The following NOS1AP variants were observed in gnomAD, a reference collection of about 807,000 sequenced individuals.
The protein encoded by NOS1AP is carboxyl-terminal PDZ ligand of neuronal nitric oxide synthase protein.
In NOS1AP, 21 loss-of-function variants were observed where a neutral mutation model predicts 56.2. The observed-to-expected ratio is 0.37, with a 90% confidence interval of 0.26 to 0.54. The LOEUF is 0.54. Among genes scored for constraint, NOS1AP ranks in the 20% least tolerant of loss-of-function variants. The pLI is 0.84. For missense variants in NOS1AP, 522 were observed against 657.8 expected (o/e 0.79, Z 2.26); for synonymous variants, 270 against 274.6 (o/e 0.98, Z 0.17).
intron 2 of NOS1AP, among the ~76,000 whole-genome samples, chr1:162,260,569 C>G (rs907348753): frequency 1.3e-5 from 2 of 152,146 alleles, no homozygotes; most frequent in Non-Finnish European, 2.9e-5. Context: ...CTAACACATA[C>G]AAGTTGTAAC....
chr1:162,085,794 G>A (rs12022557), intron 1 of NOS1AP, among the ~76,000 whole-genome samples: 36,841 of 152,126 alleles, frequency 0.24, 5,215 homozygotes, highest in South Asian at 0.57. Flanking sequence ...ATACTGACAC[G>A]TGGAAAGATA....
chr1:162,074,910 G>C (rs879368274), intron 1 of NOS1AP, among the ~76,000 whole-genome samples: 6 of 152,096 alleles, frequency 3.9e-5, no homozygotes, highest in Admixed American at 3.3e-4. Flanking sequence ...TTTTCAGTAG[G>C]GGGTGTTCCA....
At chr1:162,342,994 T>C (rs992409845) in intron 5 of NOS1AP, among the ~76,000 whole-genome samples, 17 of 152,202 alleles carry the variant, frequency 1.1e-4, no homozygotes, top group African/African-American at 3.4e-4. Flanking sequence ...ATTTCTGTCC[T>C]TGAAAGAAAG....
intron 2 of NOS1AP, among the ~76,000 whole-genome samples, chr1:162,164,726 T>C (rs1650399540): frequency 6.6e-6 from 1 of 152,234 alleles, no homozygotes; most frequent in South Asian, 2.1e-4. Context: ...TATTCCCTTC[T>C]GTGACCTTTT....
intron 5 of NOS1AP, among the ~76,000 whole-genome samples, chr1:162,333,845 G>C (rs1557882080): frequency 6.6e-6 from 1 of 152,182 alleles, no homozygotes; most frequent in Non-Finnish European, 1.5e-5. Flanking sequence ...GAGAAGGTCT[G>C]ATGATAAAAA....
intron 2 of NOS1AP, among the ~76,000 whole-genome samples, chr1:162,222,386 G>A (rs1024307436): frequency 7.2e-5 from 11 of 152,162 alleles, no homozygotes; most frequent in African/African-American, 2.7e-4. Flanking sequence ...TTACTTGACT[G>A]ATGTTAATGA....
intron 1 of NOS1AP, among the ~76,000 whole-genome samples, chr1:162,120,646 G>A (rs928804267): frequency 6.6e-6 from 1 of 152,164 alleles, no homozygotes; most frequent in Admixed American, 6.5e-5. Context: ...ATCAGATCTC[G>A]TGACACTTAT....
In NOS1AP at chr1:162,362,217, G is replaced by A. The variant is rs545562363; in HGVS notation, c.940-3187G>A. 3.3e-4 allele frequency among the ~76,000 whole-genome samples: 50 copies of A among 152,294 alleles called. No individual in the cohort carries two copies. In the East Asian group the frequency reaches 7.2e-3, roughly 22 times the overall value. On this transcript the variant is annotated intron_variant, in intron 8 of 9. Transcript: ENST00000361897. The stretch of plus-strand genomic sequence containing the variant: ...TGTAGTCCCAGCACTTTGGGAGGCC[G>A]AGGCAGGTGGATCACTTGAGGTCAG...
In NOS1AP at chr1:162,178,789, C is replaced by G. The variant is rs537996152; in HGVS notation, c.177+24313C>G. Among the ~76,000 whole-genome samples, 3 of 152,370 alleles carry G rather than the reference C, an allele frequency of 2.0e-5. No individual in the cohort carries two copies. In the South Asian group the frequency reaches 6.2e-4, roughly 32 times the overall value. Reference sequence around the variant, plus strand: ...TTCTTTCTCTGTGTGAAAGTTGTAGCCTTGCCTAGGTGCTCTTATACTTCC... The same window carrying G: ...TTCTTTCTCTGTGTGAAAGTTGTAGGCTTGCCTAGGTGCTCTTATACTTCC... On this transcript the variant is annotated intron_variant, in intron 2 of 9. Coordinates refer to ENST00000361897, the MANE Select transcript of NOS1AP (RefSeq NM_014697.3).
rs189883374 is a variant in NOS1AP, at chr1:162,296,795, C to T, written c.271-3838C>T. ...CCCAGCTTAGCTTTGATGATGGAGG[C>T]GCATCGCAAGCCTTGGAAGAAACAT... On this transcript the variant is annotated intron_variant, in intron 3 of 9. Coordinates refer to ENST00000361897, the MANE Select transcript of NOS1AP (RefSeq NM_014697.3). Among the ~76,000 whole-genome samples the T allele has an allele frequency of 5.3e-5, 8 of 152,276 alleles. No homozygotes were observed. In the South Asian group the frequency reaches 6.2e-4, roughly 12 times the overall value.
At chr1:162,124,675 G>A (rs12141059) in intron 1 of NOS1AP, among the ~76,000 whole-genome samples, 7,556 of 151,876 alleles carry the variant, frequency 0.05, 255 homozygotes, top group Middle Eastern at 0.082. Context: ...GCGCCCGCCA[G>A]CGCGCCCAGC....
At chr1:162,319,205 C>A (rs1472864731) in intron 4 of NOS1AP, among the ~76,000 whole-genome samples, 1 of 152,212 alleles carries the variant, frequency 6.6e-6, no homozygotes, top group Non-Finnish European at 1.5e-5. Flanking sequence ...GAAAGACTCA[C>A]CCAGTAGCTC....
intron 2 of NOS1AP, among the ~76,000 whole-genome samples, chr1:162,264,446 T>TCCTCTCC (rs1557855253): frequency 6.5e-4 from 1 of 1,528 alleles, no homozygotes; most frequent in Non-Finnish European, 1.4e-3. Flanking sequence ...TTCTCTTCTC[T>TCCTCTCC]TCTCTTCTCT....
chr1:162,333,176 G>A (rs1324395920), intron 5 of NOS1AP, 51 bp downstream of exon 5: 2 of 1,294,212 alleles, frequency 1.5e-6, no homozygotes, highest in African/African-American at 1.5e-5. Flanking sequence ...TGGTTCCAAA[G>A]CACCCCCAAC....
At chr1:162,245,596 A>G (rs997194717) in intron 2 of NOS1AP, among the ~76,000 whole-genome samples, 5 of 152,256 alleles carry the variant, frequency 3.3e-5, no homozygotes, top group Non-Finnish European at 7.3e-5. Flanking sequence ...ATGAACCTTC[A>G]TAGCAGCTTT....
At chr1:162,230,526 TATAAC>T (rs1280242232) in intron 2 of NOS1AP, among the ~76,000 whole-genome samples, 2 of 152,232 alleles carry the variant, frequency 1.3e-5, no homozygotes, top group African/African-American at 4.8e-5. Context: ...TTGGGTAAGA[TATAAC>T]ATAAAATTTA....
Position 162,168,347 on chromosome 1 carries a change from A to G in NOS1AP, c.177+13871A>G, listed in dbSNP as rs188301182. Among the ~76,000 whole-genome samples, 317 of 152,298 alleles carry G rather than the reference A, an allele frequency of 2.1e-3. 9 individuals are homozygous for G. The highest frequency in any genetic ancestry group is 0.018 in the Admixed American group (278 of 15,306). ...TGCAGAGACTGCAGTAGTCTGTGTTAGTGCTGTCCTGTTGAAGCTGGTCCA... is the reference window on the plus strand; with the variant it reads ...TGCAGAGACTGCAGTAGTCTGTGTTGGTGCTGTCCTGTTGAAGCTGGTCCA... On this transcript the variant is annotated intron_variant, in intron 2 of 9. Transcript: ENST00000361897.
At chr1:162,172,060 G>A (rs1204328902) in intron 2 of NOS1AP, among the ~76,000 whole-genome samples, 1 of 152,158 alleles carries the variant, frequency 6.6e-6, no homozygotes. Flanking sequence ...GTTGCTCAGT[G>A]GGAGAAACTT....
At chr1:162,325,767 G>A (rs1206384074) in intron 4 of NOS1AP, among the ~76,000 whole-genome samples, 1 of 151,880 alleles carries the variant, frequency 6.6e-6, no homozygotes, top group Non-Finnish European at 1.5e-5. Context: ...ACCATCTTCA[G>A]GTGACTTGGT....
Sources: allele counts gnomAD v4.1 joint callset (sites outside exome capture counted in the v4.1 genomes callset), GRCh38; gene constraint gnomAD v4.1.1; transcripts MANE v1.5; gene names NCBI Gene and HGNC (gene_info 2026-07-23, HGNC 2026-07-21).